The following LRP1B variants were observed in gnomAD, a reference collection of about 807,000 sequenced individuals.
LRP1B encodes low-density lipoprotein receptor-related protein 1B.
In LRP1B, 217 loss-of-function variants were observed where a neutral mutation model predicts 556.6. The observed-to-expected ratio is 0.39, with a 90% CI of 0.35 to 0.44. LRP1B has a LOEUF of 0.44. Ranked by LOEUF, LRP1B falls within the 20% of genes least tolerant of loss-of-function variation. The pLI, the probability that LRP1B is intolerant of heterozygous loss-of-function variation, is 1.00. For missense variants in LRP1B, 5,053 were observed against 5,620.8 expected, an observed-to-expected ratio of 0.90 and a Z score of 3.23; for synonymous variants, 2,047 against 1,865.8, an observed-to-expected ratio of 1.10 and a Z score of -2.50.
At chr2:140,761,969 T>C (rs1452974968) in intron 35 of LRP1B, among the ~76,000 whole-genome samples, 1 of 138,806 alleles carries the variant, frequency 7.2e-6, no homozygotes, top group African/African-American at 2.8e-5. Flanking sequence ...ATAATGATGA[T>C]AACTATGATG....
At chr2:140,247,675 C>T (rs1681227247) in intron 86 of LRP1B, among the ~76,000 whole-genome samples, 1 of 151,614 alleles carries the variant, frequency 6.6e-6, no homozygotes, top group Non-Finnish European at 1.5e-5. Flanking sequence ...AGAGCTTTCC[C>T]ATTTTAAATC....
chr2:140,724,795 T>TCA (rs10690645), intron 35 of LRP1B, among the ~76,000 whole-genome samples: 84,811 of 136,458 alleles, frequency 0.62, 24,940 homozygotes, highest in Middle Eastern at 0.74. Context: ...TGACTTGTTT[T>TCA]AATTATCGAG....
At chr2:140,826,983 G>T (rs1314551965) in intron 31 of LRP1B, among the ~76,000 whole-genome samples, 1 of 152,082 alleles carries the variant, frequency 6.6e-6, no homozygotes, top group Non-Finnish European at 1.5e-5. Flanking sequence ...CAGAGCCAAG[G>T]TATCCTCGTT....
At chr2:142,080,318 A>G (rs1705664084) in intron 1 of LRP1B, among the ~76,000 whole-genome samples, 1 of 152,140 alleles carries the variant, frequency 6.6e-6, no homozygotes, top group Admixed American at 6.5e-5. Flanking sequence ...GTGTTTGGGA[A>G]CACACAAGTT....
At chr2:141,370,532 G>A (rs562724040) in intron 3 of LRP1B, among the ~76,000 whole-genome samples, 5 of 152,144 alleles carry the variant, frequency 3.3e-5, no homozygotes, top group South Asian at 2.1e-4. Flanking sequence ...TGGGTTCTTC[G>A]TAAATCCTGG....
chr2:141,869,444 A>C (rs373467805), intron 1 of LRP1B, among the ~76,000 whole-genome samples: 4 of 152,030 alleles, frequency 2.6e-5, no homozygotes, highest in East Asian at 3.8e-4. Flanking sequence ...TATTAACCAA[A>C]ATTATATTAT....
At chr2:140,932,886 T>TACACACACACAC (rs373649277) in intron 20 of LRP1B, among the ~76,000 whole-genome samples, 9,139 of 127,368 alleles carry the variant, frequency 0.072, 409 homozygotes, top group Middle Eastern at 0.14. Context: ...TCTCTCCCTA[T>TACACACACACAC]ACACACACAC....
chr2:141,140,985 G>A (rs1701637355), intron 7 of LRP1B, among the ~76,000 whole-genome samples: 1 of 152,102 alleles, frequency 6.6e-6, no homozygotes, highest in East Asian at 1.9e-4. Flanking sequence ...GTAGAGGGTG[G>A]AGAGCAATCA....
At chr2:142,121,625 C>T (rs1415833047) in intron 1 of LRP1B, among the ~76,000 whole-genome samples, 1 of 152,208 alleles carries the variant, frequency 6.6e-6, no homozygotes, top group African/African-American at 2.4e-5. Context: ...GCGATTATAA[C>T]TACGACTCCC....
chr2:141,927,903 CAAAAA>C (rs5834879), intron 1 of LRP1B, among the ~76,000 whole-genome samples: 1 of 111,184 alleles, frequency 9.0e-6, no homozygotes, highest in Non-Finnish European at 1.8e-5. Flanking sequence ...CTTGGCTTTA[CAAAAA>C]AAAAAAAAAA....
intron 77 of LRP1B, among the ~76,000 whole-genome samples, chr2:140,342,655 G>A (rs973035977): frequency 6.6e-6 from 1 of 151,422 alleles, no homozygotes; most frequent in Non-Finnish European, 1.5e-5. Flanking sequence ...ATAGGATGGG[G>A]ACTCCATACT....
At chr2:141,296,178 T>A (rs982388582) in intron 3 of LRP1B, among the ~76,000 whole-genome samples, 2 of 152,174 alleles carry the variant, frequency 1.3e-5, no homozygotes, top group Non-Finnish European at 2.9e-5. Context: ...TGATAAGCTA[T>A]CCTAACTCCT....
chr2:141,795,901 A>ATAG (rs57390759), intron 2 of LRP1B, among the ~76,000 whole-genome samples: 18 of 23,272 alleles, frequency 7.7e-4, no homozygotes, highest in Admixed American at 6.3e-3. Flanking sequence ...TATATATATA[A>ATAG]TCTTTAAGCA....
At chr2:141,639,824 CAT>C (rs1340249484) in intron 2 of LRP1B, among the ~76,000 whole-genome samples, 1 of 152,036 alleles carries the variant, frequency 6.6e-6, no homozygotes, top group Non-Finnish European at 1.5e-5. Context: ...TTTTTTTACA[CAT>C]GTGTTTTACG....
chr2:141,881,474 A>C (rs1044000572), intron 1 of LRP1B, among the ~76,000 whole-genome samples: 1 of 152,062 alleles, frequency 6.6e-6, no homozygotes, highest in Non-Finnish European at 1.5e-5. Context: ...TTAAACTGAA[A>C]AATCGTTGTG....
intron 3 of LRP1B, among the ~76,000 whole-genome samples, chr2:141,420,521 C>G (rs1394638138): frequency 1.3e-5 from 2 of 152,164 alleles, no homozygotes; most frequent in Admixed American, 6.5e-5. Context: ...TTTTTGCTCT[C>G]CCTGATGTCA....
At chr2:140,810,079 G>C (rs895355115) in intron 32 of LRP1B, among the ~76,000 whole-genome samples, 2 of 152,184 alleles carry the variant, frequency 1.3e-5, no homozygotes, top group Non-Finnish European at 2.9e-5. Context: ...TACAGGTCTT[G>C]ACTGAGTCAT....
intron 7 of LRP1B, among the ~76,000 whole-genome samples, chr2:141,064,764 C>T (rs111821309): frequency 6.6e-6 from 1 of 151,808 alleles, no homozygotes; most frequent in Non-Finnish European, 1.5e-5. Context: ...AGTTTCATTC[C>T]TAGGGCATTC....
At chr2:141,291,840 A>G (rs1291230189) in intron 3 of LRP1B, among the ~76,000 whole-genome samples, 1 of 129,690 alleles carries the variant, frequency 7.7e-6, no homozygotes, top group Admixed American at 8.5e-5. Context: ...TGGGCGAAAG[A>G]GCGAGACTCT....
Sources: allele counts gnomAD v4.1 joint callset (sites outside exome capture counted in the v4.1 genomes callset), GRCh38; gene constraint gnomAD v4.1.1; transcripts MANE v1.5; gene names NCBI Gene and HGNC (gene_info 2026-07-23, HGNC 2026-07-21).